The following FASTKD5 variants were observed in gnomAD, a reference collection of about 807,000 sequenced individuals.
FASTKD5 encodes the protein non-canonical pre-mRNAs endonuclease FASTKD5, mitochondrial.
FASTKD5 carries 30 observed loss-of-function variants against 44.0 expected under a neutral mutation model. The ratio of observed to expected loss-of-function variants is 0.68; its 90% CI spans 0.51 to 0.93. The LOEUF is 0.93. FASTKD5 is among the 40% of genes least tolerant of loss of function. The pLI, the probability that FASTKD5 is intolerant of heterozygous loss-of-function variation, is 0.00. For synonymous variants in FASTKD5, 335 were observed against 342.2 expected, an observed-to-expected ratio of 0.98 and a Z score of 0.23; for missense variants, 868 against 908.2, an observed-to-expected ratio of 0.96 and a Z score of 0.57.
At position 3,147,462 on chromosome 20, in the gene FASTKD5, GGTGA is replaced by G. The variant is rs774145832; in HGVS notation, c.1605_1608del (p.His536PhefsTer12). The G allele has an allele frequency of 1.9e-6, 3 of 1,614,020 alleles. No individual in the cohort carries two copies. In the African/African-American group the frequency reaches 4.0e-5, roughly 22 times the overall value. On this transcript the variant is annotated frameshift_variant, in exon 2 of 2. Coordinates refer to ENST00000380266, the MANE Select transcript of FASTKD5 (RefSeq NM_021826.5). LOFTEE classifies it high-confidence loss of function. The stretch of plus-strand genomic sequence containing the variant: ...AGCAATTCAGACCCCTCTTGCTGAA[GGTGA>G]GTACTAAGACGATTGCCTCTGTAAT...
intron 1 of FASTKD5, among the ~76,000 whole-genome samples, chr20:3,159,523 A>G (rs1410325987): frequency 6.6e-6 from 1 of 152,242 alleles, no homozygotes; most frequent in Non-Finnish European, 1.5e-5. Context: ...AGGAAAAAAA[A>G]TCAAGGGTCA....
rs745882060 is a variant in FASTKD5 at position 3,146,928 on chromosome 20, G to A, written c.2143C>T (p.Leu715Phe). 1.9e-6 allele frequency: 3 copies of A among 1,614,200 alleles called. No homozygotes were observed. Among genetic ancestry groups the A allele is most frequent in the Admixed American group, 3.3e-5 (2 of 60,018 alleles). ...NQYCYGSRDLLGLHNMKRRQL... is the reference protein window; with the variant it reads ...NQYCYGSRDLFGLHNMKRRQL... ...CGCCTCTTCATATTGTGCAGTCCAAGGAGATCCCTGGAGCCATAGCAATAC... is the reference window on the plus strand; with the variant it reads ...CGCCTCTTCATATTGTGCAGTCCAAAGAGATCCCTGGAGCCATAGCAATAC... The change falls in exon 2 of 2, where the codon CTT becomes TTT. Residue 715 changes from leucine (L) to phenylalanine (F), a missense_variant. Leu to Phe is a conservative substitution (Grantham distance 22, BLOSUM62 0). Transcript: ENST00000380266.
rs772719687 is a variant in FASTKD5 at position 3,147,943 on chromosome 20, C to T, written c.1128G>A (p.Gln376=). 29 of 1,614,256 alleles carry T rather than the reference C, an allele frequency of 1.8e-5. No homozygotes were observed. The highest frequency in any genetic ancestry group is 2.5e-5 in the Non-Finnish European group (29 of 1,180,054). ...TTCGCTGAGGAGCTATCTCTCCAATCTGCTTCATGAAATTGATGTGATCCA... is the reference window on the plus strand; with the variant it reads ...TTCGCTGAGGAGCTATCTCTCCAATTTGCTTCATGAAATTGATGTGATCCA... ...THVDHINFMK[Q]IGEIAPQRIP... Residue 376 remains glutamine, a synonymous_variant, in exon 2 of 2, where the codon CAG becomes CAA. Coordinates refer to ENST00000380266, the MANE Select transcript of FASTKD5 (RefSeq NM_021826.5).
intron 1 of FASTKD5, among the ~76,000 whole-genome samples, chr20:3,156,198 CAG>C (rs1262762145): frequency 6.8e-5 from 9 of 133,010 alleles, no homozygotes; most frequent in African/African-American, 2.6e-4. Context: ...TTTTTTGAGA[CAG>C]AGTCTTGCTC....
At chr20:3,155,052 C>CAAAAA (rs11326176) in intron 1 of FASTKD5, among the ~76,000 whole-genome samples, 32 of 95,728 alleles carry the variant, frequency 3.3e-4, no homozygotes, top group African/African-American at 4.6e-4. Flanking sequence ...GACACAGTCT[C>CAAAAA]AAAAAAAAAA....
Position 3,147,716 on chromosome 20 carries a change from G to A in FASTKD5, c.1355C>T (p.Ser452Phe). 6.2e-7 allele frequency: 1 copy of A among 1,614,204 alleles called. No homozygotes were observed. The highest frequency in any genetic ancestry group is 8.5e-7 in the Non-Finnish European group (1 of 1,180,034). Residue 452 changes from serine (S) to phenylalanine (F), a missense_variant, in exon 2 of 2, where the codon TCC becomes TTC. Coordinates refer to ENST00000380266, the MANE Select transcript of FASTKD5 (RefSeq NM_021826.5). ...TCTGTGAATCTCACTTATCAGGCTG[G>A]AGTAAAATTCTTCTGCATTGGGTGG... is the stretch of plus-strand genomic sequence containing the variant. ...YKPPNAEEFY[S>F]SLISEIHRKM...
At chr20:3,156,325 G>A (rs572866870) in intron 1 of FASTKD5, among the ~76,000 whole-genome samples, 2 of 151,878 alleles carry the variant, frequency 1.3e-5, no homozygotes, top group Non-Finnish European at 2.9e-5. Flanking sequence ...AAAGGCTCAC[G>A]CCAACATGCC....
At chr20:3,153,745 T>C (rs1042630036) in intron 1 of FASTKD5, among the ~76,000 whole-genome samples, 1 of 152,220 alleles carries the variant, frequency 6.6e-6, no homozygotes, top group Non-Finnish European at 1.5e-5. Context: ...CGGTTTATAC[T>C]GCAAGTTGAG....
Position 3,149,257 on chromosome 20 carries a change from G to C in FASTKD5, c.-187C>G, listed in dbSNP as rs1435466087. On this transcript the variant is annotated 5_prime_UTR_variant, in exon 2 of 2. It adds an upstream start codon to the 5' untranslated region. Coordinates refer to ENST00000380266, the MANE Select transcript of FASTKD5 (RefSeq NM_021826.5). This position sits in a 1 kb window ranked among gnomAD's most constrained non-coding sequence, Gnocchi z 4.1. ...AATGACTGGGTCAGAATTGGTGCCA[G>C]ATACTGAAAAAAGGGTAGATGAAGA... is the stretch of plus-strand genomic sequence containing the variant. 1.2e-5 allele frequency: 7 copies of C among 591,704 alleles called. No homozygotes were observed. Among genetic ancestry groups the C allele is most frequent in the Non-Finnish European group, 2.1e-5 (7 of 340,630 alleles). 36.7% of individuals were successfully genotyped at this position (591,704 alleles called of 1,614,324 possible).
At chr20:3,151,834 G>A (rs1267158139) in intron 1 of FASTKD5, 1 of 151,958 alleles carries the variant, frequency 6.6e-6, no homozygotes, top group East Asian at 1.9e-4. Context: ...GCCAGGCGTG[G>A]TGGCTCATGC....
intron 1 of FASTKD5, among the ~76,000 whole-genome samples, chr20:3,155,572 G>A (rs2066675612): frequency 6.6e-6 from 1 of 151,874 alleles, no homozygotes; most frequent in Non-Finnish European, 1.5e-5. Context: ...ATTATTTAGT[G>A]TTACAAGCTC....
At chr20:3,156,472 C>T (rs1346434838) in intron 1 of FASTKD5, among the ~76,000 whole-genome samples, 2 of 152,256 alleles carry the variant, frequency 1.3e-5, no homozygotes, top group Admixed American at 6.5e-5. Context: ...CCACCACGCC[C>T]GGCCTGACTC....
Position 3,148,247 on chromosome 20 carries a change from T to A in FASTKD5, c.824A>T (p.Asp275Val). 6.2e-7 allele frequency: 1 copy of A among 1,613,514 alleles called. No homozygotes were observed. The highest frequency in any genetic ancestry group is 8.5e-7 in the Non-Finnish European group (1 of 1,179,934). ...FSSYLNLHWK[D>V]LSLSQLVHLI... is the part of the protein sequence containing the mutation. ...GTGAACTAGCTGAGACAAGGATAGA[T>A]CCTTCCAGTGCAAATTAAGATAACT... is the stretch of plus-strand genomic sequence containing the variant. Residue 275 changes from aspartate (D) to valine (V), a missense_variant, in exon 2 of 2, where the codon GAT (aspartate) becomes GTT (valine). Transcript: ENST00000380266.
At chr20:3,156,080 G>GGTTA (rs781242674) in intron 1 of FASTKD5, among the ~76,000 whole-genome samples, 24 of 152,118 alleles carry the variant, frequency 1.6e-4, no homozygotes, top group Non-Finnish European at 2.8e-4. Context: ...TACCTGAGAA[G>GGTTA]GTTAGTTCCT....
At chr20:3,152,145 A>G (rs1398572563) in intron 1 of FASTKD5, among the ~76,000 whole-genome samples, 1 of 150,164 alleles carries the variant, frequency 6.7e-6, no homozygotes, top group East Asian at 2.0e-4. Flanking sequence ...CAGAGATAGC[A>G]GGTAACAGAA....
rs2066603933 is a variant in FASTKD5 at position 3,149,574 on chromosome 20, G to A, written c.-190-314C>T. Among the ~76,000 whole-genome samples the A allele has an allele frequency of 6.6e-6, 1 of 152,198 alleles. No individual in the cohort carries two copies. The highest frequency in any genetic ancestry group is 2.4e-5 in the African/African-American group (1 of 41,450). On this transcript the variant is annotated intron_variant, in intron 1 of 1. Coordinates refer to ENST00000380266, the MANE Select transcript of FASTKD5 (RefSeq NM_021826.5). This position sits in a 1 kb window ranked among gnomAD's most constrained non-coding sequence, Gnocchi z 4.1. ...TCCGCTAACATTTGATAGGAAGAAG[G>A]AAGGCAGATTTCTAGAAAGAAGGCT...
At chr20:3,156,543 G>A (rs2066687987) in intron 1 of FASTKD5, 1 of 152,122 alleles carries the variant, frequency 6.6e-6, no homozygotes, top group South Asian at 2.1e-4. Context: ...TAGTTTAAGT[G>A]CCCCAAGTAT....
chr20:3,147,497 C>A lies in FASTKD5; in HGVS notation c.1574G>T (p.Cys525Phe), dbSNP rs755825476. Residue 525 changes from cysteine to phenylalanine, a missense_variant, in exon 2 of 2, where the codon TGT (cysteine) becomes TTT (phenylalanine). Physicochemically the swap from Cys to Phe is radical, Grantham distance 205 (BLOSUM62 -2). Coordinates refer to ENST00000380266, the MANE Select transcript of FASTKD5 (RefSeq NM_021826.5). Reference sequence around the variant, plus strand: ...AAGACGATTGCCTCTGTAATCTGGACACTCAATGCCAACTGTACCATCGAG... The same window carrying A: ...AAGACGATTGCCTCTGTAATCTGGAAACTCAATGCCAACTGTACCATCGAG... ...YTLDGTVGIE[C>F]PDYRGNRLST... 2.6e-5 allele frequency: 42 copies of A among 1,614,100 alleles called. No homozygotes were observed. The highest frequency in any genetic ancestry group is 3.5e-5 in the Non-Finnish European group (41 of 1,180,042).
In FASTKD5 at chr20:3,147,463, G is replaced by A; in HGVS notation, c.1608C>T (p.His536=). 2 of 1,614,118 alleles carry A rather than the reference G, an allele frequency of 1.2e-6. No homozygotes were observed. Among genetic ancestry groups the A allele is most frequent in the East Asian group, 2.2e-5 (1 of 44,886 alleles). The change falls in exon 2 of 2, where the codon CAC becomes CAT. Residue 536 remains histidine (H), a synonymous_variant. Coordinates refer to ENST00000380266, the MANE Select transcript of FASTKD5 (RefSeq NM_021826.5). ...PDYRGNRLST[H]LQQEGSELLW... ...GCAATTCAGACCCCTCTTGCTGAAG[G>A]TGAGTACTAAGACGATTGCCTCTGT...
Sources: allele counts gnomAD v4.1 joint callset (sites outside exome capture counted in the v4.1 genomes callset), GRCh38; gene constraint gnomAD v4.1.1; non-coding constraint Gnocchi (gnomAD v3.1); transcripts MANE v1.5; gene names NCBI Gene and HGNC (gene_info 2026-07-23, HGNC 2026-07-21).